KLF8: variants seen among roughly 807,000 people sequenced by gnomAD.
The protein encoded by KLF8 is KLF transcription factor 8, also known as Krueppel-like factor 8.
Under a neutral mutation model 18.2 loss-of-function variants are expected in KLF8, and 10 were observed. The observed-to-expected ratio is 0.55, with a 90% CI of 0.34 to 0.93. The LOEUF (loss-of-function observed/expected upper bound fraction) is 0.93. Ranked by LOEUF, KLF8 falls within the 40% of genes least tolerant of loss-of-function variation. KLF8 has a pLI of 0.02. For missense variants in KLF8, 264 were observed against 277.9 expected (o/e 0.95, Z 0.36); for synonymous variants, 109 against 97.3 (o/e 1.12, Z -0.71).
the KLF8 span, among the ~76,000 whole-genome samples, chrX:56,176,906 G>A: frequency 8.9e-6 from 1 of 111,774 alleles, no homozygotes; most frequent in African/African-American, 3.3e-5. Flanking sequence ...AGCTACCGAG[G>A]CTTGTGCATT....
the KLF8 span, among the ~76,000 whole-genome samples, chrX:56,202,163 A>G: frequency 3.6e-5 from 4 of 110,846 alleles, no homozygotes; most frequent in East Asian, 2.8e-4. Context: ...TGGAGTATTT[A>G]TGAGAGAGAA....
At chrX:55,937,144 C>A in the KLF8 span, among the ~76,000 whole-genome samples, 1 of 110,752 alleles carries the variant, frequency 9.0e-6, no homozygotes, top group Non-Finnish European at 1.9e-5. Context: ...GGACTGACAC[C>A]TCACACGGCC....
the KLF8 span, among the ~76,000 whole-genome samples, chrX:56,097,621 A>C: frequency 1.0e-5 from 1 of 99,683 alleles, no homozygotes; most frequent in African/African-American, 3.7e-5. Context: ...GCACCCATTA[A>C]CTCATCATTT....
chrX:56,195,972 C>G, the KLF8 span, among the ~76,000 whole-genome samples: 1 of 111,527 alleles, frequency 9.0e-6, no homozygotes, highest in Non-Finnish European at 1.9e-5. Context: ...ATTACATATC[C>G]AGGCAAACTA....
the KLF8 span, among the ~76,000 whole-genome samples, chrX:55,939,789 A>G: frequency 8.9e-6 from 1 of 112,080 alleles, no homozygotes; most frequent in Admixed American, 9.5e-5. Flanking sequence ...AAATGGATAA[A>G]TTCCTCGACA....
At chrX:56,209,048 G>T in the KLF8 span, among the ~76,000 whole-genome samples, 1 of 111,837 alleles carries the variant, frequency 8.9e-6, no homozygotes, top group Non-Finnish European at 1.9e-5. Flanking sequence ...GGCCAATCCT[G>T]AAAGGGGAGT....
chrX:55,916,810 A>G, the KLF8 span, among the ~76,000 whole-genome samples: 2 of 111,992 alleles, frequency 1.8e-5, no homozygotes, highest in East Asian at 5.6e-4. Context: ...GGCTTTGGAT[A>G]CTTCTTGTAT....
chrX:56,054,734 G>C, the KLF8 span, among the ~76,000 whole-genome samples: 7 of 111,474 alleles, frequency 6.3e-5, no homozygotes, highest in African/African-American at 2.3e-4. Context: ...TCTCTTTGAA[G>C]GTCTCTAAGA....
chrX:55,995,663 T>A, the KLF8 span, among the ~76,000 whole-genome samples: 1 of 112,331 alleles, frequency 8.9e-6, no homozygotes, highest in South Asian at 3.7e-4. Flanking sequence ...GATATGCAAT[T>A]CTTAATTTGG....
upstream of KLF8, among the ~76,000 whole-genome samples, chrX:56,231,092 A>G (rs1444235771): frequency 8.9e-6 from 1 of 111,935 alleles, no homozygotes; most frequent in Non-Finnish European, 1.9e-5. Flanking sequence ...GGGATTTGTA[A>G]TCCAGGTAAA....
At chrX:55,976,436 C>T in the KLF8 span, among the ~76,000 whole-genome samples, 1 of 111,561 alleles carries the variant, frequency 9.0e-6, no homozygotes, top group African/African-American at 3.3e-5. Flanking sequence ...TTAGATTTCA[C>T]ATATAAGTGA....
chrX:56,263,514 C>CTT (rs2147645430), intron 2 of KLF8, among the ~76,000 whole-genome samples: 1 of 108,675 alleles, frequency 9.2e-6, no homozygotes, highest in East Asian at 2.9e-4. Flanking sequence ...GACGCAGAGT[C>CTT]TTGCTCTGTC....
chrX:56,146,045 T>C, the KLF8 span, among the ~76,000 whole-genome samples: 53 of 112,100 alleles, frequency 4.7e-4, no homozygotes, highest in African/African-American at 1.5e-3. Context: ...TGGTGATCAT[T>C]AAAAAGTCAG....
chrX:56,267,438 T>G (rs1042062963), intron 3 of KLF8: 2 of 113,190 alleles, frequency 1.8e-5, no homozygotes, highest in African/African-American at 6.5e-5. Flanking sequence ...TGAGACTTAT[T>G]CACTATCATG....
chrX:55,995,024 G>T, the KLF8 span, among the ~76,000 whole-genome samples: 1 of 111,876 alleles, frequency 8.9e-6, no homozygotes, highest in African/African-American at 3.3e-5. Context: ...TCCCACTATT[G>T]TTGTGTTTAC....
the KLF8 span, among the ~76,000 whole-genome samples, chrX:56,050,099 G>A: frequency 9.1e-6 from 1 of 109,903 alleles, no homozygotes; most frequent in South Asian, 3.9e-4. Context: ...TATTTCTGTG[G>A]GATCGGTGGT....
intron 2 of KLF8, among the ~76,000 whole-genome samples, chrX:56,258,694 G>A (rs896904600): frequency 8.9e-6 from 1 of 112,270 alleles, no homozygotes; most frequent in Admixed American, 9.4e-5. Context: ...TTGGTTCAAT[G>A]TGTAGAAAAG....
At chrX:56,000,475 T>TGG in the KLF8 span, among the ~76,000 whole-genome samples, 2 of 36,244 alleles carry the variant, frequency 5.5e-5, no homozygotes, top group Non-Finnish European at 7.1e-5. Flanking sequence ...TGCTTTTTCT[T>TGG]GGGGGGGGGG....
At chrX:56,162,756 C>T in the KLF8 span, among the ~76,000 whole-genome samples, 33 of 111,096 alleles carry the variant, frequency 3.0e-4, no homozygotes, top group Non-Finnish European at 4.2e-4. Context: ...CCTCACGCTC[C>T]GTATGCTGCA....
Sources: gnomAD v4.1 joint callset for allele counts (sites outside exome capture counted in the v4.1 genomes callset) on GRCh38, gnomAD v4.1.1 for gene constraint, MANE v1.5 for transcripts, NCBI Gene and HGNC (gene_info 2026-07-23, HGNC 2026-07-21) for gene names.